The following RBFOX1 variants were observed in gnomAD, a reference collection of about 807,000 sequenced individuals.
The protein encoded by RBFOX1 is RNA binding protein fox-1 homolog 1.
In RBFOX1, 8 loss-of-function variants were observed where a neutral mutation model predicts 57.7. That is an observed-to-expected ratio of 0.14 (90% CI 0.08 to 0.25). The LOEUF is 0.25. Among genes scored for constraint, RBFOX1 ranks in the 10% least tolerant of loss-of-function variants. The pLI is 1.00. For missense variants in RBFOX1, 611 were observed against 548.5 expected (o/e 1.11, Z -1.14); for synonymous variants, 326 against 222.4 (o/e 1.47, Z -4.15).
chr16:7,645,004 C>G (rs1181431192), intron 11 of RBFOX1, among the ~76,000 whole-genome samples: 2 of 152,136 alleles, frequency 1.3e-5, no homozygotes, highest in Non-Finnish European at 2.9e-5. Flanking sequence ...ATTTTAGCCT[C>G]TTACAATCTT....
intron 3 of RBFOX1, among the ~76,000 whole-genome samples, chr16:5,629,108 A>AAAC (rs1555487271): frequency 6.6e-6 from 1 of 151,760 alleles, no homozygotes; most frequent in Non-Finnish European, 1.5e-5. Flanking sequence ...GATGCTGTAA[A>AAAC]AAGAAGAAGC....
chr16:7,366,658 T>C (rs67764947), intron 4 of RBFOX1, among the ~76,000 whole-genome samples: 8,118 of 150,538 alleles, frequency 0.054, 253 homozygotes, highest in South Asian at 0.094. Context: ...TTTTTTTTTT[T>C]CCCACTTAGA....
chr16:7,590,658 G>A (rs1037840254), intron 7 of RBFOX1, among the ~76,000 whole-genome samples: 42 of 151,972 alleles, frequency 2.8e-4, no homozygotes, highest in African/African-American at 9.2e-4. Context: ...TCAGGAGTTC[G>A]AGACCAGCCT....
chr16:6,562,822 T>C (rs1255999710), intron 2 of RBFOX1, among the ~76,000 whole-genome samples: 1 of 151,024 alleles, frequency 6.6e-6, no homozygotes, highest in Non-Finnish European at 1.5e-5. Flanking sequence ...CAGGCCTTGA[T>C]TCTTGATTCT....
intron 1 of RBFOX1, among the ~76,000 whole-genome samples, chr16:6,100,294 C>T (rs889169459): frequency 6.6e-6 from 1 of 152,096 alleles, no homozygotes; most frequent in East Asian, 1.9e-4. Flanking sequence ...TCCCGAGGAG[C>T]TGGGACTACA....
chr16:7,710,486 A>T, intron 15 of RBFOX1, 137 bp from the exon 16 acceptor site: 3 of 1,534,436 alleles, frequency 2.0e-6, no homozygotes, highest in South Asian at 2.6e-5. Flanking sequence ...GTTCTCCAAG[A>T]ATGACCTGGG....
intron 11 of RBFOX1, among the ~76,000 whole-genome samples, chr16:7,636,242 T>C (rs953256072): frequency 6.6e-6 from 1 of 152,240 alleles, no homozygotes; most frequent in Admixed American, 6.5e-5. Context: ...CCAGCATGCT[T>C]GCCAGCACTG....
At chr16:5,282,165 G>T (rs2063288067) in intron 1 of RBFOX1, among the ~76,000 whole-genome samples, 1 of 152,192 alleles carries the variant, frequency 6.6e-6, no homozygotes, top group African/African-American at 2.4e-5. Context: ...CCCTGCTCAA[G>T]CTCTCTCTTT....
intron 3 of RBFOX1, among the ~76,000 whole-genome samples, chr16:7,036,592 C>A (rs887331192): frequency 6.6e-6 from 1 of 151,978 alleles, no homozygotes; most frequent in East Asian, 1.9e-4. Flanking sequence ...ATTCGGGAGG[C>A]TGAGGCTGGA....
At chr16:7,576,558 G>A (rs558115979) in intron 5 of RBFOX1, among the ~76,000 whole-genome samples, 4 of 152,160 alleles carry the variant, frequency 2.6e-5, no homozygotes, top group Admixed American at 6.5e-5. Context: ...CAGTTTATAC[G>A]CATTTGTATA....
At chr16:5,267,156 C>T (rs1345504630) in intron 1 of RBFOX1, among the ~76,000 whole-genome samples, 1 of 152,078 alleles carries the variant, frequency 6.6e-6, no homozygotes, top group Non-Finnish European at 1.5e-5. Flanking sequence ...ACAGAGGCAG[C>T]AAAGCAAGTG....
chr16:7,084,512 G>A (rs2059687817), intron 4 of RBFOX1, among the ~76,000 whole-genome samples: 1 of 152,148 alleles, frequency 6.6e-6, no homozygotes, highest in South Asian at 2.1e-4. Context: ...CCACTTGTGA[G>A]AAATAGTGCC....
At chr16:7,331,528 G>A (rs185609922) in intron 4 of RBFOX1, among the ~76,000 whole-genome samples, 1 of 152,304 alleles carries the variant, frequency 6.6e-6, no homozygotes, top group African/African-American at 2.4e-5. Context: ...TCAGGTCAAA[G>A]CCTTCAATCT....
chr16:6,243,977 A>C (rs1184896368), intron 1 of RBFOX1, among the ~76,000 whole-genome samples: 1 of 151,692 alleles, frequency 6.6e-6, no homozygotes, highest in African/African-American at 2.4e-5. Flanking sequence ...TTCTCATTAC[A>C]CTCCTTTAAT....
In RBFOX1 at chr16:7,064,237, C is replaced by G. The variant is rs551374791; in HGVS notation, c.27+12139C>G. ...AGGCTGGAGTGCAGTGGCGTGATCT[C>G]TGCTCACTGCAACTTCCGCCTCCCA... On this transcript the variant is annotated intron_variant, in intron 4 of 15. Coordinates refer to ENST00000550418, the MANE Select transcript of RBFOX1 (RefSeq NM_018723.4). Among the ~76,000 whole-genome samples, 9 of 139,816 alleles carry G rather than the reference C, an allele frequency of 6.4e-5. No individual in the cohort carries two copies. In the East Asian group the frequency reaches 1.7e-3, roughly 27 times the overall value. The allele number at this position is 139,816 out of a possible 152,430, so 91.7% of individuals were successfully genotyped here.
In RBFOX1 at chr16:5,853,756, G is replaced by C. The variant is rs116043496; in HGVS notation, c.319-13547G>C. 2.8e-3 allele frequency among the ~76,000 whole-genome samples: 425 copies of C among 152,226 alleles called. 2 individuals carry two copies. Among genetic ancestry groups the C allele is most frequent in the African/African-American group, 9.7e-3 (403 of 41,532 alleles). ...AGCTAAGCCTGCTGCATTTCAAATTGTGGCTTTTCTTTTCTTTGAGACAGG... is the reference window on the plus strand; with the variant it reads ...AGCTAAGCCTGCTGCATTTCAAATTCTGGCTTTTCTTTTCTTTGAGACAGG... On this transcript the variant is annotated intron_variant, in intron 3 of 19. Coordinates refer to the RBFOX1 transcript ENST00000641259.
At chr16:7,146,503 A>C (rs1467319460) in intron 4 of RBFOX1, among the ~76,000 whole-genome samples, 1 of 152,166 alleles carries the variant, frequency 6.6e-6, no homozygotes, top group Non-Finnish European at 1.5e-5. Context: ...GATACTAGAG[A>C]GAGCTAGGAT....
chr16:6,106,117 C>G (rs1008697619), intron 1 of RBFOX1, among the ~76,000 whole-genome samples: 3 of 151,818 alleles, frequency 2.0e-5, no homozygotes, highest in Admixed American at 1.3e-4. Context: ...CAGGTATAGA[C>G]AATATTAAGG....
chr16:6,529,565 AATAATT>A (rs2096627885), intron 2 of RBFOX1, among the ~76,000 whole-genome samples: 1 of 92,782 alleles, frequency 1.1e-5, no homozygotes, highest in African/African-American at 3.7e-5. Flanking sequence ...AAATAATAAT[AATAATT>A]ATTATTAATA....
Sources: allele counts gnomAD v4.1 joint callset (sites outside exome capture counted in the v4.1 genomes callset), GRCh38; gene constraint gnomAD v4.1.1; transcripts MANE v1.5; gene names NCBI Gene and HGNC (gene_info 2026-07-23, HGNC 2026-07-21).